TMEM44: variants seen among roughly 807,000 people sequenced by gnomAD.
TMEM44 encodes the protein transmembrane protein 44.
A neutral mutation model predicts 47.8 loss-of-function variants in TMEM44; 43 were observed. That is an observed-to-expected ratio of 0.90 (90% CI 0.70 to 1.16). The LOEUF is 1.16. TMEM44 is among the 50% of genes most tolerant of loss of function. TMEM44 has a pLI of 0.00. For synonymous variants in TMEM44, 277 were observed against 238.8 expected (o/e 1.16, Z -1.48); for missense variants, 568 against 555.2 (o/e 1.02, Z -0.23).
At chr3:194,622,264 G>GT (rs1716626063) in intron 5 of TMEM44, among the ~76,000 whole-genome samples, 1 of 152,216 alleles carries the variant, frequency 6.6e-6, no homozygotes, top group African/African-American at 2.4e-5. Flanking sequence ...CTGAGGTAAC[G>GT]TGACGCCTCC....
chr3:194,599,388 C>T (rs1379697634), intron 9 of TMEM44, among the ~76,000 whole-genome samples: 2 of 152,210 alleles, frequency 1.3e-5, no homozygotes. Flanking sequence ...TCAAAGACAC[C>T]GCCTCGCCCA....
intron 5 of TMEM44, among the ~76,000 whole-genome samples, chr3:194,618,524 A>T (rs1257901532): frequency 6.9e-6 from 1 of 145,522 alleles, no homozygotes; most frequent in East Asian, 2.1e-4. Context: ...ATATTTATAT[A>T]ATTTAGTTTT....
chr3:194,610,700 CTG>C (rs1443284351), intron 8 of TMEM44, among the ~76,000 whole-genome samples: 43 of 152,292 alleles, frequency 2.8e-4, no homozygotes, highest in African/African-American at 1.0e-3. Flanking sequence ...TCTTGTTACT[CTG>C]TGTTTCATCA....
chr3:194,588,531 A>C lies in TMEM44; in HGVS notation c.1285T>G (p.Ter429GluextTer19). 6.2e-7 allele frequency: 1 copy of C among 1,613,698 alleles called. No individual in the cohort carries two copies. Among genetic ancestry groups the C allele is most frequent in the Non-Finnish European group, 8.5e-7 (1 of 1,179,718 alleles). The change falls in exon 10 of 10, where the codon TAA becomes GAA. Residue 429 changes from the stop codon to glutamate (E), a stop_lost. Coordinates refer to ENST00000347147, the MANE Select transcript of TMEM44 (RefSeq NM_001011655.3). Reference protein sequence around the residue: ...VRTAHLSDDD* With the variant: ...VRTAHLSDDDE ...TGATGAGCTGGCTCCAGAAGGTGTT[A>C]ATCATCATCACTCAGGTGTGCTGTC...
intron 9 of TMEM44, among the ~76,000 whole-genome samples, chr3:194,599,799 G>T (rs1362040045): frequency 6.6e-6 from 1 of 151,770 alleles, no homozygotes; most frequent in Non-Finnish European, 1.5e-5. Flanking sequence ...TGCTCTTGTT[G>T]CCCAGGCTAG....
chr3:194,616,634 G>C, intron 6 of TMEM44: 1 of 456,362 alleles, frequency 2.2e-6, no homozygotes, highest in Non-Finnish European at 4.4e-6. Context: ...TGCAGACGGC[G>C]TGGCCCTGCC....
intron 9 of TMEM44, among the ~76,000 whole-genome samples, chr3:194,597,649 CAAAAAAA>C (rs532223669): frequency 3.0e-5 from 3 of 99,954 alleles, no homozygotes; most frequent in African/African-American, 1.0e-4. Flanking sequence ...GACTCTGTCT[CAAAAAAA>C]AAAAAAAAAG....
chr3:194,611,760 G>A lies in TMEM44; in HGVS notation c.913-740C>T, dbSNP rs545737553. ...ATTGCAGCCGGGCGCGGTGGCTCACGCCTGTAATCCCAGCACTTTGGGAGG... is the reference window on the plus strand; with the variant it reads ...ATTGCAGCCGGGCGCGGTGGCTCACACCTGTAATCCCAGCACTTTGGGAGG... On this transcript the variant is annotated intron_variant, in intron 7 of 9. Transcript: ENST00000347147. The surrounding 1 kb of genome is among the most constrained non-coding windows in gnomAD (Gnocchi z 4.2). Among the ~76,000 whole-genome samples, 34 of 152,202 alleles carry A rather than the reference G, an allele frequency of 2.2e-4. No homozygotes were observed. The highest frequency in any genetic ancestry group is 7.0e-4 in the African/African-American group (29 of 41,544).
intron 5 of TMEM44, among the ~76,000 whole-genome samples, chr3:194,620,770 G>A (rs1220350902): frequency 2.6e-5 from 4 of 151,686 alleles, no homozygotes; most frequent in African/African-American, 9.7e-5. Flanking sequence ...TCAAACCTGT[G>A]AGGCCAAACA....
intron 3 of TMEM44, among the ~76,000 whole-genome samples, chr3:194,625,680 C>A (rs1206995559): frequency 2.0e-5 from 3 of 152,158 alleles, no homozygotes; most frequent in Non-Finnish European, 1.5e-5. Flanking sequence ...AGGGGTTTCA[C>A]CATGTTGGCC....
intron 3 of TMEM44, among the ~76,000 whole-genome samples, chr3:194,624,720 T>G (rs1279672044): frequency 1.4e-5 from 2 of 138,592 alleles, no homozygotes; most frequent in African/African-American, 5.3e-5. Context: ...CACCACTTGG[T>G]TCATCCCCTT....
intron 3 of TMEM44, among the ~76,000 whole-genome samples, chr3:194,625,145 G>A (rs1717004460): frequency 6.6e-6 from 1 of 152,226 alleles, no homozygotes. Flanking sequence ...GCCTGTGGTG[G>A]TGCCCTGTGC....
chr3:194,619,333 C>T (rs757254411), intron 5 of TMEM44, among the ~76,000 whole-genome samples: 4 of 152,208 alleles, frequency 2.6e-5, no homozygotes, highest in African/African-American at 7.2e-5. Context: ...GCTTGAAGAA[C>T]GGAACTGGAT....
rs755674829 is a variant in TMEM44 at position 194,623,305 on chromosome 3, A to G, written c.531T>C (p.Asn177=). ...RRLLASLLQE[N]TEILGYLLGS... ...CCAGCAGGTAGCCGAGGATCTCAGTATTTTCCTGCAAGAACGAACAGGTGA... is the reference window on the plus strand; with the variant it reads ...CCAGCAGGTAGCCGAGGATCTCAGTGTTTTCCTGCAAGAACGAACAGGTGA... Residue 177 remains asparagine (N), a synonymous_variant, in exon 5 of 10, where the codon AAT becomes AAC. Coordinates refer to ENST00000347147, the MANE Select transcript of TMEM44 (RefSeq NM_001011655.3). 11 of 1,605,594 alleles carry G rather than the reference A, an allele frequency of 6.9e-6. No individual in the cohort carries two copies. Among genetic ancestry groups the G allele is most frequent in the Non-Finnish European group, 9.4e-6 (11 of 1,175,992 alleles).
At chr3:194,608,854 T>A (rs892649525) in intron 8 of TMEM44, among the ~76,000 whole-genome samples, 4 of 151,218 alleles carry the variant, frequency 2.6e-5, no homozygotes, top group Non-Finnish European at 5.9e-5. Context: ...CCCAGAGGAG[T>A]GTTTTAAACA....
intron 7 of TMEM44, among the ~76,000 whole-genome samples, chr3:194,613,429 C>T (rs561645558): frequency 9.0e-4 from 137 of 151,750 alleles, no homozygotes; most frequent in African/African-American, 3.1e-3. Context: ...CTGCCCATCT[C>T]GGCCTCCCAA....
In TMEM44 at chr3:194,615,668, G is replaced by A. The variant is rs774589499; in HGVS notation, c.813C>T (p.Ser271=). The change falls in exon 7 of 10, where the codon AGC becomes AGT. Residue 271 remains serine, a synonymous_variant. Transcript: ENST00000347147. ...CAAATCCTAAGGCCTGTCTCATCTT[G>A]CTCTTCATCACACACGAAAGGAAAA... ...AIIFLSCVMK[S]KMRQALGFAK... 2.7e-5 allele frequency: 43 copies of A among 1,613,924 alleles called. No individual in the cohort carries two copies. Among genetic ancestry groups the A allele is most frequent in the Non-Finnish European group, 3.6e-5 (43 of 1,179,972 alleles).
In TMEM44 at chr3:194,617,133, A is replaced by C; in HGVS notation, c.749T>G (p.Leu250Arg). Reference protein sequence around the residue: ...EYLLRATPWFLTSLGRAALDL... With the variant: ...EYLLRATPWFRTSLGRAALDL... ...CAGTGCCGCACGGCCGAGGGAGGTC[A>C]GGAACCAGGGTGTGGCCCGCAGCAG... The change falls in exon 6 of 10, where the codon CTG becomes CGG. Residue 250 changes from leucine (L) to arginine (R), a missense_variant. Leu to Arg is a moderately radical substitution (Grantham distance 102). Transcript: ENST00000347147. 9.0e-6 allele frequency: 14 copies of C among 1,558,836 alleles called. No homozygotes were observed. The highest frequency in any genetic ancestry group is 1.2e-5 in the Non-Finnish European group (14 of 1,152,284).
At chr3:194,589,754 A>T (rs1386261320) in intron 9 of TMEM44, 1 of 152,090 alleles carries the variant, frequency 6.6e-6, no homozygotes, top group African/African-American at 2.4e-5. Flanking sequence ...GCCCAAGGGG[A>T]TCCTTGGTGT....
Sources: allele counts gnomAD v4.1 joint callset (sites outside exome capture counted in the v4.1 genomes callset), GRCh38; gene constraint gnomAD v4.1.1; non-coding constraint Gnocchi (gnomAD v3.1); transcripts MANE v1.5; gene names NCBI Gene and HGNC (gene_info 2026-07-23, HGNC 2026-07-21).